Variants in LHFPL2 observed in about 807,000 individuals in gnomAD.
LHFPL2 encodes the protein LHFPL tetraspan subfamily member 2, also known as LHFPL tetraspan subfamily member 2 protein.
A neutral mutation model predicts 17.5 loss-of-function variants in LHFPL2; 7 were observed. The observed-to-expected ratio is 0.40, with a 90% CI of 0.23 to 0.75. The LOEUF (loss-of-function observed/expected upper bound fraction) is 0.75. LHFPL2 is among the 30% of genes least tolerant of loss of function. The probability of loss-of-function intolerance (pLI) is 0.37; values close to 1 mark genes in which losing one functional copy is unlikely to be tolerated. For synonymous variants in LHFPL2, 134 were observed against 116.2 expected, an observed-to-expected ratio of 1.15 and a Z score of -0.99; for missense variants, 241 against 294.8, an observed-to-expected ratio of 0.82 and a Z score of 1.34.
intron 2 of LHFPL2, among the ~76,000 whole-genome samples, chr5:78,629,330 T>C (rs1437353190): frequency 6.6e-6 from 1 of 152,240 alleles, no homozygotes; most frequent in Non-Finnish European, 1.5e-5. Context: ...CCTGTACGTT[T>C]TCCTGAAATC....
At chr5:78,554,503 G>T (rs1053398605) in intron 3 of LHFPL2, among the ~76,000 whole-genome samples, 1 of 152,140 alleles carries the variant, frequency 6.6e-6, no homozygotes, top group South Asian at 2.1e-4. Context: ...CCTTAACAAC[G>T]TTTTCCAGGT....
chr5:78,498,573 TGAG>T (rs940418966), intron 4 of LHFPL2, among the ~76,000 whole-genome samples: 2 of 152,184 alleles, frequency 1.3e-5, no homozygotes, highest in African/African-American at 4.8e-5. Flanking sequence ...GACTGTGCTT[TGAG>T]GAGGGCACAT....
At chr5:78,639,168 C>T (rs1164910406) in intron 1 of LHFPL2, among the ~76,000 whole-genome samples, 1 of 152,154 alleles carries the variant, frequency 6.6e-6, no homozygotes, top group Non-Finnish European at 1.5e-5. Context: ...CTTCCCACCA[C>T]CACCACCATT....
intron 3 of LHFPL2, among the ~76,000 whole-genome samples, chr5:78,515,579 G>C (rs907053331): frequency 1.3e-5 from 2 of 152,208 alleles, no homozygotes; most frequent in African/African-American, 4.8e-5. Flanking sequence ...ATGTGCTTTT[G>C]CCTTCCAAGA....
chr5:78,530,595 T>C (rs1435364967), intron 3 of LHFPL2, among the ~76,000 whole-genome samples: 3 of 152,210 alleles, frequency 2.0e-5, no homozygotes. Flanking sequence ...CAGTGGTTCT[T>C]CCCAGAAGTT....
chr5:78,590,170 C>T (rs1743578523), intron 2 of LHFPL2: 1 of 151,970 alleles, frequency 6.6e-6, no homozygotes, highest in South Asian at 2.1e-4. Flanking sequence ...AGCTCTTTTT[C>T]ATCCCTTTTG....
At chr5:78,523,067 T>C (rs1755505002) in intron 3 of LHFPL2, among the ~76,000 whole-genome samples, 1 of 152,050 alleles carries the variant, frequency 6.6e-6, no homozygotes, top group South Asian at 2.1e-4. Context: ...AAGACAGAAG[T>C]GGCTGATAAC....
chr5:78,647,691 G>T (rs183505506), intron 1 of LHFPL2, among the ~76,000 whole-genome samples: 2 of 152,264 alleles, frequency 1.3e-5, no homozygotes, highest in East Asian at 3.9e-4. Context: ...CTCTGGTGTT[G>T]CTCCCATTGA....
In LHFPL2 at chr5:78,617,074, G is replaced by C. The variant is rs574985499; in HGVS notation, c.-245+15190C>G. ...ATGGAGTTTTACTCTTGTTGCCCAG[G>C]CTGGAGTGCAGTGGCTCAATCTCCG... On this transcript the variant is annotated intron_variant, in intron 2 of 4. Coordinates refer to ENST00000380345, the MANE Select transcript of LHFPL2 (RefSeq NM_005779.3). Among the ~76,000 whole-genome samples the C allele has an allele frequency of 7.9e-5, 12 of 151,986 alleles. No homozygotes were observed. In the East Asian group the frequency reaches 2.1e-3, roughly 27 times the overall value.
At chr5:78,574,331 G>C (rs1466249851) in intron 2 of LHFPL2, among the ~76,000 whole-genome samples, 1 of 152,222 alleles carries the variant, frequency 6.6e-6, no homozygotes, top group Non-Finnish European at 1.5e-5. Flanking sequence ...CCCAGGAGGA[G>C]AGGCTGAGCT....
At chr5:78,642,271 C>T (rs1416910755) in intron 1 of LHFPL2, 1 of 152,200 alleles carries the variant, frequency 6.6e-6, no homozygotes, top group Non-Finnish European at 1.5e-5. Context: ...AGGGCTTCAA[C>T]ATATACATGA....
chr5:78,574,404 T>C (rs1757076811), intron 2 of LHFPL2, among the ~76,000 whole-genome samples: 2 of 152,176 alleles, frequency 1.3e-5, no homozygotes, highest in Admixed American at 1.3e-4. Flanking sequence ...TGAGAGCCAG[T>C]TGGTTGGGGT....
intron 3 of LHFPL2, among the ~76,000 whole-genome samples, chr5:78,563,763 C>T (rs776625308): frequency 6.6e-6 from 1 of 151,806 alleles, no homozygotes; most frequent in Non-Finnish European, 1.5e-5. Context: ...GCTCAGGACA[C>T]CATCTGTCTC....
At chr5:78,549,312 G>A (rs890711993) in intron 3 of LHFPL2, among the ~76,000 whole-genome samples, 4 of 152,206 alleles carry the variant, frequency 2.6e-5, no homozygotes, top group Non-Finnish European at 2.9e-5. Flanking sequence ...TGAGACTCTA[G>A]AACTTACACA....
intron 2 of LHFPL2, among the ~76,000 whole-genome samples, chr5:78,577,905 C>G (rs1757172970): frequency 6.6e-6 from 1 of 152,022 alleles, no homozygotes; most frequent in Non-Finnish European, 1.5e-5. Context: ...ACAAGTCTTC[C>G]AGAGATTTTT....
At position 78,509,676 on chromosome 5, in the gene LHFPL2, G is replaced by A; in HGVS notation, c.430+108C>T. On this transcript the variant is annotated intron_variant, in intron 4 of 4. Coordinates refer to ENST00000380345, the MANE Select transcript of LHFPL2 (RefSeq NM_005779.3). ...CAAAGGAAACCTGAATAGACAGAAA[G>A]TGGTCTTCTCCAAAACTAGCAGGAA... 5 of 1,116,072 alleles carry A rather than the reference G, an allele frequency of 4.5e-6. 1 individual carries two copies. Among genetic ancestry groups the A allele is most frequent in the South Asian group, 4.4e-5 (3 of 68,120 alleles). The allele number at this position is 1,116,072 out of a possible 1,614,324, so 69.1% of individuals were successfully genotyped here.
chr5:78,645,297 T>C (rs1348523870), intron 1 of LHFPL2, among the ~76,000 whole-genome samples: 1 of 151,528 alleles, frequency 6.6e-6, no homozygotes, highest in Non-Finnish European at 1.5e-5. Context: ...AGAGGCCTAC[T>C]CTTGGTACTT....
intron 2 of LHFPL2, among the ~76,000 whole-genome samples, chr5:78,579,384 C>T (rs201331875): frequency 6.6e-6 from 1 of 151,860 alleles, no homozygotes; most frequent in Non-Finnish European, 1.5e-5. Context: ...GGTACATGTG[C>T]ACAATGTGCA....
intron 3 of LHFPL2, among the ~76,000 whole-genome samples, chr5:78,532,961 T>TGCCCGG (rs1380759560): frequency 6.6e-6 from 1 of 152,180 alleles, no homozygotes; most frequent in Non-Finnish European, 1.5e-5. Flanking sequence ...AGGCCCGTGG[T>TGCCCGG]GCCAACAACC....
Sources: gnomAD v4.1 joint callset for allele counts (sites outside exome capture counted in the v4.1 genomes callset) on GRCh38, gnomAD v4.1.1 for gene constraint, MANE v1.5 for transcripts, NCBI Gene and HGNC (gene_info 2026-07-23, HGNC 2026-07-21) for gene names.